HYCC2: variants seen among roughly 807,000 people sequenced by gnomAD.
HYCC2 encodes the protein hyccin 2.
the HYCC2 span, among the ~76,000 whole-genome samples, chr2:201,028,527 CA>C: frequency 2.0e-5 from 3 of 152,140 alleles, no homozygotes; most frequent in Admixed American, 1.3e-4. Context: ...GCCAAAAGAA[CA>C]AAGCTGGAGG....
the HYCC2 span, among the ~76,000 whole-genome samples, chr2:201,007,968 G>A: frequency 6.2e-4 from 94 of 152,314 alleles, no homozygotes; most frequent in African/African-American, 2.2e-3. Context: ...CAGATGCTTT[G>A]TGTTTGAAAC....
the HYCC2 span, among the ~76,000 whole-genome samples, chr2:201,033,274 G>A: frequency 6.6e-6 from 1 of 151,084 alleles, no homozygotes; most frequent in African/African-American, 2.4e-5. Flanking sequence ...AGGGCTCACT[G>A]CAGCCTCACA....
the HYCC2 span, among the ~76,000 whole-genome samples, chr2:201,031,937 T>G: frequency 6.6e-6 from 1 of 152,180 alleles, no homozygotes; most frequent in Non-Finnish European, 1.5e-5. Context: ...AGGACTGCAA[T>G]CATTTATTTA....
At chr2:201,045,593 T>C in the HYCC2 span, 1 of 397,652 alleles carries the variant, frequency 2.5e-6, no homozygotes, top group African/African-American at 2.1e-5. Flanking sequence ...ATTTTCCAAT[T>C]CTATAAAAAA....
At chr2:201,027,664 G>A in the HYCC2 span, among the ~76,000 whole-genome samples, 18 of 151,896 alleles carry the variant, frequency 1.2e-4, no homozygotes, top group Middle Eastern at 3.4e-3. Context: ...TTCAACATAC[G>A]CAAATCAATA....
At chr2:200,997,622 G>A in the HYCC2 span, 2 of 815,640 alleles carry the variant, frequency 2.5e-6, no homozygotes, top group Non-Finnish European at 4.1e-6. Flanking sequence ...CCTTAATATT[G>A]ACCTTTATGA....
At chr2:201,021,721 A>G in the HYCC2 span, 1 of 207,558 alleles carries the variant, frequency 4.8e-6, no homozygotes, top group Non-Finnish European at 1.0e-5. Flanking sequence ...ATACATTTTA[A>G]TAAGCAAAGC....
At chr2:201,020,172 A>T in the HYCC2 span, among the ~76,000 whole-genome samples, 1 of 152,160 alleles carries the variant, frequency 6.6e-6, no homozygotes, top group East Asian at 1.9e-4. Flanking sequence ...TTCTTAATAT[A>T]AATGATTCTG....
the HYCC2 span, among the ~76,000 whole-genome samples, chr2:201,066,495 C>T: frequency 1.3e-5 from 2 of 152,144 alleles, no homozygotes; most frequent in East Asian, 3.9e-4. Flanking sequence ...AAATAAAGAA[C>T]GAATACACAG....
At chr2:200,981,899 C>A in the HYCC2 span, 1 of 1,561,166 alleles carries the variant, frequency 6.4e-7, no homozygotes, top group Non-Finnish European at 8.7e-7. The surrounding 1 kb of genome is among the most constrained non-coding windows in gnomAD (Gnocchi z 4.5). Flanking sequence ...ACAGACTCAG[C>A]AATAGCTAAA....
the HYCC2 span, among the ~76,000 whole-genome samples, chr2:201,015,738 A>G: frequency 1.3e-5 from 2 of 152,196 alleles, no homozygotes; most frequent in Non-Finnish European, 2.9e-5. Flanking sequence ...TGTCTTTTCC[A>G]GCTTGCATAT....
At chr2:201,041,741 CAA>C in the HYCC2 span, among the ~76,000 whole-genome samples, 2 of 152,122 alleles carry the variant, frequency 1.3e-5, no homozygotes, top group African/African-American at 4.8e-5. Context: ...TCAAAGCTAA[CAA>C]AGATACTATG....
the HYCC2 span, among the ~76,000 whole-genome samples, chr2:201,025,890 C>A: frequency 6.6e-6 from 1 of 152,068 alleles, no homozygotes; most frequent in Non-Finnish European, 1.5e-5. Context: ...ACGAGATTCC[C>A]ATCTCTACAA....
At chr2:200,998,399 A>T in the HYCC2 span, among the ~76,000 whole-genome samples, 1 of 152,186 alleles carries the variant, frequency 6.6e-6, no homozygotes, top group Non-Finnish European at 1.5e-5. Context: ...TTAGCCATAA[A>T]GCCCTTCTTA....
the HYCC2 span, among the ~76,000 whole-genome samples, chr2:200,992,562 G>A: frequency 6.6e-6 from 1 of 152,162 alleles, no homozygotes; most frequent in South Asian, 2.1e-4. Flanking sequence ...GTTTACAAAT[G>A]TTTCTTCACA....
chr2:201,053,431 C>T, the HYCC2 span, among the ~76,000 whole-genome samples: 8 of 152,226 alleles, frequency 5.3e-5, no homozygotes, highest in Non-Finnish European at 8.8e-5. Context: ...AGCTCAAAAA[C>T]ATTTATAGGA....
At chr2:200,981,353 T>C in the HYCC2 span, 1 of 1,614,208 alleles carries the variant, frequency 6.2e-7, no homozygotes. This position sits in a 1 kb window ranked among gnomAD's most constrained non-coding sequence, Gnocchi z 4.5. Flanking sequence ...AGGAGCTCTT[T>C]ACCTTCGCCA....
the HYCC2 span, chr2:200,996,134 G>A: frequency 1.3e-5 from 2 of 148,904 alleles, no homozygotes; most frequent in African/African-American, 4.9e-5. Flanking sequence ...AGGTTCAAGT[G>A]ATCCACATGC....
At chr2:200,997,381 G>C in the HYCC2 span, 18 of 1,189,064 alleles carry the variant, frequency 1.5e-5, no homozygotes, top group African/African-American at 2.4e-4. Flanking sequence ...GCTTGGCTTA[G>C]AGAATGTGCT....
Sources: allele counts gnomAD v4.1 joint callset (sites outside exome capture counted in the v4.1 genomes callset), GRCh38; gene constraint gnomAD v4.1.1; non-coding constraint Gnocchi (gnomAD v3.1); transcripts MANE v1.5; gene names NCBI Gene and HGNC (gene_info 2026-07-23, HGNC 2026-07-21).